The following LAMC2 variants were observed in gnomAD, a reference collection of about 807,000 sequenced individuals.
LAMC2 encodes the protein laminin subunit gamma-2.
LAMC2 carries 97 observed loss-of-function variants against 140.2 expected under a neutral mutation model. The observed-to-expected ratio is 0.69, with a 90% CI of 0.59 to 0.82. LAMC2 has a LOEUF of 0.82. LAMC2 is among the 40% of genes least tolerant of loss of function. The pLI, the probability that LAMC2 is intolerant of heterozygous loss-of-function variation, is 0.00. For synonymous variants in LAMC2, 513 were observed against 540.2 expected (o/e 0.95, Z 0.70); for missense variants, 1,402 against 1,476.1 (o/e 0.95, Z 0.82).
At chr1:183,222,613 C>T (rs758668241) in intron 6 of LAMC2, among the ~76,000 whole-genome samples, 2 of 151,994 alleles carry the variant, frequency 1.3e-5, no homozygotes, top group South Asian at 2.1e-4. Flanking sequence ...ATCAGTGGTA[C>T]GTGCCTTGGT....
chr1:183,225,478 A>G (rs1046130462), intron 7 of LAMC2, 130 bp from the exon 8 acceptor site: 3 of 726,760 alleles, frequency 4.1e-6, no homozygotes, highest in African/African-American at 3.5e-5. Flanking sequence ...GGTGGCTCTC[A>G]GTCCTATGCC....
chr1:183,205,054 G>A (rs943171650), intron 1 of LAMC2, among the ~76,000 whole-genome samples: 11 of 152,050 alleles, frequency 7.2e-5, no homozygotes, highest in South Asian at 2.1e-4. Flanking sequence ...AACTCCTGAC[G>A]TCAGGTGATC....
Position 183,223,203 on chromosome 1 carries a change from GGAGGCAGACACCCATCTGCCCATGATGT to G in LAMC2, c.835_862del (p.Gly279PhefsTer13). On this transcript the variant is annotated frameshift_variant, in exon 7 of 23. Transcript: ENST00000264144. LOFTEE classifies it high-confidence loss of function. ...GTCCTTTGACTACCGTGTGGACAGA[GGAGGCAGACACCCATCTGCCCATGATGT>G]GATTCTGGAAGGTGCTGGTCTACGG... The G allele has an allele frequency of 6.2e-7, 1 of 1,614,130 alleles. No individual in the cohort carries two copies. The highest frequency in any genetic ancestry group is 8.5e-7 in the Non-Finnish European group (1 of 1,179,970).
chr1:183,254,908 C>G, the LAMC2 span, among the ~76,000 whole-genome samples: 4 of 152,158 alleles, frequency 2.6e-5, no homozygotes, highest in African/African-American at 9.7e-5. Context: ...TGTACAGAAG[C>G]TTTTTAGTTT....
In LAMC2 at chr1:183,243,440, C is replaced by G. The variant is rs985194656; in HGVS notation, c.*40C>G. ...TTTCTCAACTGAGGTTCTTGGGATA[C>G]AGATCTCAGGGCTCGGGAGCCATGT... On this transcript the variant is annotated 3_prime_UTR_variant, in exon 23 of 23. Transcript: ENST00000264144. The G allele has an allele frequency of 2.5e-6, 4 of 1,613,520 alleles. No individual in the cohort carries two copies. The highest frequency in any genetic ancestry group is 2.5e-6 in the Non-Finnish European group (3 of 1,179,612).
intron 11 of LAMC2, among the ~76,000 whole-genome samples, chr1:183,229,715 G>A (rs1659744773): frequency 6.6e-6 from 1 of 151,576 alleles, no homozygotes; most frequent in African/African-American, 2.4e-5. Context: ...AAGACCCAGA[G>A]GTTTGCATGG....
chr1:183,252,632 G>A, the LAMC2 span: 7 of 1,599,190 alleles, frequency 4.4e-6, no homozygotes, highest in East Asian at 2.2e-5. Context: ...GCCGGAGGAC[G>A]AGGGGCTGCT....
rs76480542 is a variant in LAMC2 at position 183,237,263 on chromosome 1, A to G, written c.2602-89A>G. 2.0e-3 allele frequency: 2,909 copies of G among 1,463,790 alleles called. 67 individuals carry two copies. In the East Asian group the frequency reaches 0.055, roughly 28 times the overall value. The allele number at this position is 1,463,790 out of a possible 1,614,324, so 90.7% of individuals were successfully genotyped here. ...TTCTTGGCTTCTTAAGGCTGTTGCT[A>G]TTTTCAAACAATGGTGCCAGGTCCT... is the stretch of plus-strand genomic sequence containing the variant. On this transcript the variant is annotated intron_variant, in intron 17 of 22. Coordinates refer to ENST00000264144, the MANE Select transcript of LAMC2 (RefSeq NM_005562.3).
In LAMC2 at chr1:183,198,182, G is replaced by A. The variant is rs866747330; in HGVS notation, c.80-9699G>A. ...AATTGAGACAGAGTCTCACTCTGTC[G>A]CCAGGCTGGAGTGCAGTTTCGTGAT... On this transcript the variant is annotated intron_variant, in intron 1 of 22. Transcript: ENST00000264144. 1.3e-3 allele frequency among the ~76,000 whole-genome samples: 179 copies of A among 138,842 alleles called. 1 individual carries two copies. Among genetic ancestry groups the A allele is most frequent in the African/African-American group, 4.7e-3 (169 of 36,272 alleles). The allele number at this position is 138,842 out of a possible 152,430, so 91.1% of individuals were successfully genotyped here.
At chr1:183,218,516 A>G (rs1437776798) in intron 4 of LAMC2, 28 bp downstream of exon 4, 5 of 1,513,338 alleles carry the variant, frequency 3.3e-6, no homozygotes, top group Non-Finnish European at 3.7e-6. Flanking sequence ...CCCTACAAAC[A>G]GCAGAGAGAG....
chr1:183,220,836 G>A lies in LAMC2; in HGVS notation c.515G>A (p.Gly172Asp). 3 of 1,613,946 alleles carry A rather than the reference G, an allele frequency of 1.9e-6. No individual in the cohort carries two copies. The highest frequency in any genetic ancestry group is 1.3e-5 in the African/African-American group (1 of 75,046). The change falls in exon 5 of 23, where the codon GGT (glycine) becomes GAT (aspartate). Residue 172 changes from glycine (G) to aspartate (D), a missense_variant. Coordinates refer to ENST00000264144, the MANE Select transcript of LAMC2 (RefSeq NM_005562.3). ...CAATGCCACTGCAGGTGTCGATCAG[G>A]TTACTATAATCTGGATGGGGGGAAC... is the stretch of plus-strand genomic sequence containing the variant. Reference protein sequence around the residue: ...TGERCDRCRSGYYNLDGGNPE... With the variant: ...TGERCDRCRSDYYNLDGGNPE...
At chr1:183,230,924 G>A in intron 11 of LAMC2, 37 bp from the exon 12 acceptor site, 1 of 1,613,540 alleles carries the variant, frequency 6.2e-7, no homozygotes, top group Non-Finnish European at 8.5e-7. Context: ...TTCTAGACTA[G>A]TTTGATGTGA....
the LAMC2 span, among the ~76,000 whole-genome samples, chr1:183,257,171 A>G: frequency 6.6e-6 from 1 of 150,464 alleles, no homozygotes; most frequent in Non-Finnish European, 1.5e-5. Flanking sequence ...GGCCAGGCGT[A>G]GTGGTTCATG....
Position 183,228,479 on chromosome 1 carries a change from C to G in LAMC2, c.1574C>G (p.Pro525Arg). Residue 525 changes from proline (P) to arginine (R), a missense_variant, in exon 11 of 23, where the codon CCC becomes CGC. By Grantham distance (103) the Pro-to-Arg change is moderately radical. Coordinates refer to ENST00000264144, the MANE Select transcript of LAMC2 (RefSeq NM_005562.3). This position sits in a 1 kb window ranked among gnomAD's most constrained non-coding sequence, Gnocchi z 4.3. ...TGTCAATGCAACAACAATGTGGACC[C>G]CAGTGCCTCTGGGAATTGTGACCGG... ...QPCQCNNNVD[P>R]SASGNCDRLT... 1.2e-6 allele frequency: 2 copies of G among 1,613,970 alleles called. No homozygotes were observed. The highest frequency in any genetic ancestry group is 1.7e-6 in the Non-Finnish European group (2 of 1,180,012).
At chr1:183,200,634 G>A (rs78748274) in intron 1 of LAMC2, among the ~76,000 whole-genome samples, 3,059 of 152,236 alleles carry the variant, frequency 0.02, 90 homozygotes, top group African/African-American at 0.069. Context: ...CTGGGAAACC[G>A]CCTTTGCCCC....
rs1558093412 is a variant in LAMC2 at position 183,228,357 on chromosome 1, C to A, written c.1469-17C>A. 3 of 1,614,106 alleles carry A rather than the reference C, an allele frequency of 1.9e-6. No individual in the cohort carries two copies. The highest frequency in any genetic ancestry group is 2.2e-5 in the South Asian group (2 of 91,022). The stretch of plus-strand genomic sequence containing the variant: ...TGATGGATGTCGACCTAGGCTTGGT[C>A]ATTTGTTCCTTCCCAGGTGCCCGCT... On this transcript the variant is annotated splice_polypyrimidine_tract_variant and intron_variant, in intron 10 of 22. Transcript: ENST00000264144. The surrounding 1 kb of genome is among the most constrained non-coding windows in gnomAD (Gnocchi z 4.3).
chr1:183,253,904 C>CGTGTGT, the LAMC2 span, among the ~76,000 whole-genome samples: 717 of 144,354 alleles, frequency 5.0e-3, 3 homozygotes, highest in Non-Finnish European at 5.9e-3. Context: ...GTTCCACTTC[C>CGTGTGT]GTGTGTGTGT....
chr1:183,219,128 C>T (rs1321962821), intron 4 of LAMC2, among the ~76,000 whole-genome samples: 1 of 152,186 alleles, frequency 6.6e-6, no homozygotes, highest in Non-Finnish European at 1.5e-5. Context: ...CTCTTCCCTC[C>T]CAGAGGCTGT....
chr1:183,221,069 CT>C, intron 5 of LAMC2, 108 bp downstream of exon 5: 2 of 1,066,936 alleles, frequency 1.9e-6, no homozygotes, highest in Non-Finnish European at 2.9e-6. Flanking sequence ...TAGAAATTCT[CT>C]TATAGTATTG....
Sources: allele counts gnomAD v4.1 joint callset (sites outside exome capture counted in the v4.1 genomes callset), GRCh38; gene constraint gnomAD v4.1.1; non-coding constraint Gnocchi (gnomAD v3.1); transcripts MANE v1.5; gene names NCBI Gene and HGNC (gene_info 2026-07-23, HGNC 2026-07-21).